The following PSKH1 variants were observed in gnomAD, a reference collection of about 807,000 sequenced individuals.
PSKH1 encodes protein serine kinase H1.
Under a neutral mutation model 26.7 loss-of-function variants are expected in PSKH1, and 12 were observed. The ratio of observed to expected loss-of-function variants is 0.45; its 90% CI spans 0.29 to 0.73. The LOEUF is 0.73. Among genes scored for constraint, PSKH1 ranks in the 30% least tolerant of loss-of-function variants. The pLI is 0.11. For missense variants in PSKH1, 431 were observed against 595.2 expected (o/e 0.72, Z 2.87); for synonymous variants, 213 against 234.3 (o/e 0.91, Z 0.83).
intron 2 of PSKH1, among the ~76,000 whole-genome samples, chr16:67,924,946 C>G (rs2058211984): frequency 6.6e-6 from 1 of 151,746 alleles, no homozygotes; most frequent in African/African-American, 2.4e-5. Flanking sequence ...AACCATGGAG[C>G]TTTCTTTTTT....
chr16:67,908,228 C>T (rs925994391), intron 1 of PSKH1, among the ~76,000 whole-genome samples: 1 of 152,084 alleles, frequency 6.6e-6, no homozygotes, highest in Non-Finnish European at 1.5e-5. Flanking sequence ...ACAGCAAAGC[C>T]ATACTCCCGA....
At chr16:67,898,390 G>GT (rs2058132413) in intron 1 of PSKH1, among the ~76,000 whole-genome samples, 1 of 151,902 alleles carries the variant, frequency 6.6e-6, no homozygotes, top group Admixed American at 6.6e-5. Flanking sequence ...GGGTGACAGA[G>GT]TGAGACCCTG....
At chr16:67,925,808 G>T (rs1286510483) in intron 2 of PSKH1, among the ~76,000 whole-genome samples, 1 of 152,170 alleles carries the variant, frequency 6.6e-6, no homozygotes, top group Non-Finnish European at 1.5e-5. Flanking sequence ...AGCAGCTGCA[G>T]GTAGCCCCAG....
chr16:67,911,799 C>T (rs907420438), intron 2 of PSKH1, among the ~76,000 whole-genome samples: 9 of 152,224 alleles, frequency 5.9e-5, no homozygotes, highest in Admixed American at 5.9e-4. Context: ...TGGGGTCCAT[C>T]GGGGACTTCC....
chr16:67,904,926 A>G (rs2058152099), intron 1 of PSKH1, among the ~76,000 whole-genome samples: 1 of 145,018 alleles, frequency 6.9e-6, no homozygotes, highest in African/African-American at 2.6e-5. Flanking sequence ...TCCCGCATTC[A>G]CGCCATTCTC....
At chr16:67,906,505 G>A (rs1320390080) in intron 1 of PSKH1, among the ~76,000 whole-genome samples, 1 of 151,852 alleles carries the variant, frequency 6.6e-6, no homozygotes, top group Non-Finnish European at 1.5e-5. Context: ...TGGGGTTACA[G>A]GTGTGCATCA....
Position 67,927,997 on chromosome 16 carries a change from A to G in PSKH1, c.*355A>G, listed in dbSNP as rs571125470. 2.4e-5 allele frequency: 7 copies of G among 287,732 alleles called. No homozygotes were observed. Among genetic ancestry groups the G allele is most frequent in the African/African-American group, 1.1e-4 (5 of 46,328 alleles). The allele number at this position is 287,732 out of a possible 1,614,324, so 17.8% of individuals were successfully genotyped here. On this transcript the variant is annotated 3_prime_UTR_variant, in exon 3 of 3. Transcript: ENST00000291041. This position sits in a 1 kb window ranked among gnomAD's most constrained non-coding sequence, Gnocchi z 5.5. ...CTTTTCCCCAATCAAAGGGAACTGCAGTGCTGGGTGGAGTGTCCTGTGGCC... is the reference window on the plus strand; with the variant it reads ...CTTTTCCCCAATCAAAGGGAACTGCGGTGCTGGGTGGAGTGTCCTGTGGCC...
rs2058133166 is a variant in PSKH1 at position 67,898,617 on chromosome 16, C to A, written c.-71+5246C>A. On this transcript the variant is annotated intron_variant, in intron 1 of 2. Coordinates refer to ENST00000291041, the MANE Select transcript of PSKH1 (RefSeq NM_006742.3). ...TAGTAGACAGTTTTTCTTTCTTTTT[C>A]TTTCTTTCTTTTTTTTTTTTTTTGG... Among the ~76,000 whole-genome samples the A allele has an allele frequency of 1.3e-5, 2 of 149,956 alleles. 1 individual carries two copies. Among genetic ancestry groups the A allele is most frequent in the Admixed American group, 1.3e-4 (2 of 15,032 alleles).
At chr16:67,908,377 C>G (rs1289665132) in intron 1 of PSKH1, among the ~76,000 whole-genome samples, 2 of 152,210 alleles carry the variant, frequency 1.3e-5, no homozygotes, top group Non-Finnish European at 2.9e-5. Context: ...TCAATCGATT[C>G]TTGTGCCTCA....
chr16:67,927,302 T>G lies in PSKH1; in HGVS notation c.958-23T>G. 1 of 1,586,772 alleles carries G rather than the reference T, an allele frequency of 6.3e-7. No individual in the cohort carries two copies. The highest frequency in any genetic ancestry group is 1.1e-5 in the South Asian group (1 of 87,260). On this transcript the variant is annotated intron_variant, in intron 2 of 2. Coordinates refer to ENST00000291041, the MANE Select transcript of PSKH1 (RefSeq NM_006742.3). This position sits in a 1 kb window ranked among gnomAD's most constrained non-coding sequence, Gnocchi z 5.5. The stretch of plus-strand genomic sequence containing the variant: ...TGGGCAGTGTCAGATGCTCTCACTC[T>G]AATGCTTGTCCTTGGTCTCTAGCCC...
At chr16:67,912,856 G>A (rs2058177116) in intron 2 of PSKH1, among the ~76,000 whole-genome samples, 2 of 151,638 alleles carry the variant, frequency 1.3e-5, no homozygotes, top group Admixed American at 6.6e-5. Context: ...CAACAAGAGC[G>A]AAACTCTGTC....
intron 1 of PSKH1, among the ~76,000 whole-genome samples, chr16:67,899,436 C>T (rs949426333): frequency 7.0e-6 from 1 of 142,512 alleles, no homozygotes; most frequent in Non-Finnish European, 1.5e-5. Context: ...CCCGGGTTCA[C>T]GCCATTCTCC....
intron 1 of PSKH1, among the ~76,000 whole-genome samples, chr16:67,906,616 C>T (rs568275896): frequency 2.2e-4 from 34 of 151,768 alleles, no homozygotes; most frequent in Non-Finnish European, 4.7e-4. Flanking sequence ...CCGCCCACCT[C>T]GGCCTCCCAA....
At chr16:67,897,150 G>A (rs551605323) in intron 1 of PSKH1, among the ~76,000 whole-genome samples, 3 of 152,250 alleles carry the variant, frequency 2.0e-5, no homozygotes, top group African/African-American at 4.8e-5. Flanking sequence ...ACTGACTCCC[G>A]GGTGTTATAC....
chr16:67,919,439 C>T (rs1172511777), intron 2 of PSKH1, among the ~76,000 whole-genome samples: 36 of 152,230 alleles, frequency 2.4e-4, no homozygotes. Context: ...CCCTGCCAGC[C>T]TGCTGGGGCT....
Position 67,898,638 on chromosome 16 carries a change from T to A in PSKH1, c.-71+5267T>A, listed in dbSNP as rs377542950. Among the ~76,000 whole-genome samples the A allele has an allele frequency of 1.7e-4, 25 of 150,946 alleles. No homozygotes were observed. In the East Asian group the frequency reaches 3.9e-3, roughly 23 times the overall value. ...TTTTCTTTCTTTCTTTTTTTTTTTT[T>A]TTGGAGATGGAGTCTCGCTCTGTTG... On this transcript the variant is annotated intron_variant, in intron 1 of 2. Transcript: ENST00000291041.
chr16:67,913,292 A>G (rs1405254862), intron 2 of PSKH1, among the ~76,000 whole-genome samples: 2 of 151,944 alleles, frequency 1.3e-5, no homozygotes, highest in Non-Finnish European at 2.9e-5. Context: ...GACTACAGGC[A>G]TGCGCCACCA....
chr16:67,897,331 C>T (rs554376367), intron 1 of PSKH1, among the ~76,000 whole-genome samples: 27 of 152,286 alleles, frequency 1.8e-4, no homozygotes, highest in Admixed American at 3.3e-4. Context: ...AGCATTAAGC[C>T]GGTTTGTGTT....
chr16:67,925,034 G>A (rs183841996), intron 2 of PSKH1, among the ~76,000 whole-genome samples: 37 of 152,012 alleles, frequency 2.4e-4, no homozygotes, highest in Admixed American at 2.1e-3. Flanking sequence ...TGAACTCTTG[G>A]GCTCAAGCAG....
Sources: gnomAD v4.1 joint callset for allele counts (sites outside exome capture counted in the v4.1 genomes callset) on GRCh38, gnomAD v4.1.1 for gene constraint, Gnocchi (gnomAD v3.1) non-coding constraint, MANE v1.5 for transcripts, NCBI Gene and HGNC (gene_info 2026-07-23, HGNC 2026-07-21) for gene names.